Variants in ASIC2 observed in about 807,000 individuals in gnomAD.
The protein encoded by ASIC2 is acid sensing ion channel subunit 2.
ASIC2 carries 25 observed loss-of-function variants against 57.3 expected under a neutral mutation model. The observed-to-expected ratio is 0.44, with a 90% CI of 0.32 to 0.61. The LOEUF is 0.61. Ranked by LOEUF, ASIC2 falls within the 20% of genes least tolerant of loss-of-function variation. The pLI is 0.06. For missense variants in ASIC2, 641 were observed against 738.1 expected, an observed-to-expected ratio of 0.87 and a Z score of 1.52; for synonymous variants, 319 against 307.5, an observed-to-expected ratio of 1.04 and a Z score of -0.39.
intron 1 of ASIC2, among the ~76,000 whole-genome samples, chr17:33,872,100 T>G (rs1042846721): frequency 1.3e-5 from 2 of 152,130 alleles, no homozygotes; most frequent in Non-Finnish European, 2.9e-5. Context: ...CAGCCAGATA[T>G]CAGCCAGGAG....
intron 1 of ASIC2, among the ~76,000 whole-genome samples, chr17:33,383,705 T>C (rs891203804): frequency 2.0e-5 from 3 of 152,224 alleles, no homozygotes; most frequent in African/African-American, 7.2e-5. Context: ...TTTCTTTCAA[T>C]GACTCAGACA....
At chr17:33,521,137 G>A (rs967908021) in intron 1 of ASIC2, among the ~76,000 whole-genome samples, 2 of 152,124 alleles carry the variant, frequency 1.3e-5, no homozygotes, top group South Asian at 2.1e-4. Flanking sequence ...ATTAGGTCTC[G>A]GGACTTGGGA....
At chr17:33,463,555 G>A (rs1912712429) in intron 1 of ASIC2, among the ~76,000 whole-genome samples, 1 of 152,342 alleles carries the variant, frequency 6.6e-6, no homozygotes, top group African/African-American at 2.4e-5. Context: ...TACAGGCAAT[G>A]GGGCAGGTAA....
chr17:33,411,270 G>A (rs189642528), intron 1 of ASIC2, among the ~76,000 whole-genome samples: 1 of 152,232 alleles, frequency 6.6e-6, no homozygotes. Flanking sequence ...ATTGTTTTGA[G>A]TTTGGATTAT....
chr17:33,735,214 T>C (rs73282771), intron 1 of ASIC2, among the ~76,000 whole-genome samples: 3,095 of 152,236 alleles, frequency 0.02, 92 homozygotes, highest in African/African-American at 0.07. Flanking sequence ...GTTTGCTTAT[T>C]TTCTATCTTC....
chr17:33,987,398 A>C (rs317366), intron 1 of ASIC2, among the ~76,000 whole-genome samples: 113,120 of 152,030 alleles, frequency 0.74, 42,210 homozygotes, highest in Non-Finnish European at 0.78. Flanking sequence ...CAATTTACAG[A>C]CTTCTGTTTG....
intron 1 of ASIC2, among the ~76,000 whole-genome samples, chr17:33,579,819 G>A (rs910796140): frequency 6.6e-6 from 1 of 152,112 alleles, no homozygotes; most frequent in Non-Finnish European, 1.5e-5. Flanking sequence ...TTGGATTTCG[G>A]CGTCTGGCTC....
intron 2 of ASIC2, among the ~76,000 whole-genome samples, chr17:33,090,759 G>T (rs1334625746): frequency 6.6e-6 from 1 of 152,170 alleles, no homozygotes; most frequent in Non-Finnish European, 1.5e-5. Flanking sequence ...TATTGACTGA[G>T]GTAGGTGCAG....
chr17:33,758,433 G>A (rs1365042064), intron 1 of ASIC2, among the ~76,000 whole-genome samples: 1 of 152,128 alleles, frequency 6.6e-6, no homozygotes, highest in Non-Finnish European at 1.5e-5. Flanking sequence ...CCTAAGGATT[G>A]CTTTACTACT....
intron 1 of ASIC2, among the ~76,000 whole-genome samples, chr17:33,547,723 G>T (rs1489039434): frequency 6.6e-6 from 1 of 152,192 alleles, no homozygotes; most frequent in East Asian, 1.9e-4. Flanking sequence ...GTCCCTGGTT[G>T]CTGCCTTCGC....
At chr17:34,131,034 C>T (rs1911938569) in intron 1 of ASIC2, among the ~76,000 whole-genome samples, 1 of 152,046 alleles carries the variant, frequency 6.6e-6, no homozygotes, top group Non-Finnish European at 1.5e-5. Context: ...TTTCAACAAA[C>T]CAATGCTAAG....
chr17:33,779,580 C>G (rs1186510005), intron 1 of ASIC2, among the ~76,000 whole-genome samples: 1 of 152,156 alleles, frequency 6.6e-6, no homozygotes, highest in African/African-American at 2.4e-5. Flanking sequence ...ACCTAAGAAA[C>G]TTAGTTTCTC....
intron 1 of ASIC2, among the ~76,000 whole-genome samples, chr17:33,697,303 A>G (rs1479490883): frequency 6.6e-6 from 1 of 152,220 alleles, no homozygotes; most frequent in Admixed American, 6.5e-5. Flanking sequence ...TACATGGATC[A>G]TCATAAAGAT....
intron 1 of ASIC2, among the ~76,000 whole-genome samples, chr17:33,426,328 T>A (rs1455125377): frequency 6.6e-6 from 1 of 152,174 alleles, no homozygotes; most frequent in Admixed American, 6.5e-5. Flanking sequence ...TTAAGAGACG[T>A]GAATGCTCAT....
At chr17:33,297,785 G>A (rs1263559335), upstream of ASIC2, among the ~76,000 whole-genome samples, 1 of 151,672 alleles carries the variant, frequency 6.6e-6, no homozygotes, top group Admixed American at 6.6e-5. Context: ...TCATGCCACT[G>A]TACTCCAGCC....
chr17:33,088,757 C>T (rs2092145661), intron 3 of ASIC2, 106 bp downstream of exon 3: 3 of 1,390,372 alleles, frequency 2.2e-6, no homozygotes, highest in Non-Finnish European at 2.8e-6. Context: ...TCTAGTTTCA[C>T]AGTAAAGCCC....
chr17:33,946,364 G>C (rs1333419191), intron 1 of ASIC2, among the ~76,000 whole-genome samples: 2 of 152,142 alleles, frequency 1.3e-5, no homozygotes, highest in Non-Finnish European at 2.9e-5. Context: ...CTCTGCTGTA[G>C]CAAAAGTGCC....
At chr17:33,578,159 T>G (rs1216305794) in intron 1 of ASIC2, among the ~76,000 whole-genome samples, 1 of 152,164 alleles carries the variant, frequency 6.6e-6, no homozygotes, top group African/African-American at 2.4e-5. Context: ...GCCCTTATTT[T>G]ATTTAACTGA....
intron 1 of ASIC2, among the ~76,000 whole-genome samples, chr17:33,641,870 A>G (rs1026741734): frequency 6.6e-6 from 1 of 152,204 alleles, no homozygotes; most frequent in Non-Finnish European, 1.5e-5. Context: ...TCATCTGCAT[A>G]ATGGGCATAT....
Sources: allele counts gnomAD v4.1 joint callset (sites outside exome capture counted in the v4.1 genomes callset), GRCh38; gene constraint gnomAD v4.1.1; transcripts MANE v1.5; gene names NCBI Gene and HGNC (gene_info 2026-07-23, HGNC 2026-07-21).